PLAGL1: variants seen among roughly 807,000 people sequenced by gnomAD.
The protein encoded by PLAGL1 is PLAG1 like zinc finger 1, also known as zinc finger protein PLAGL1.
In PLAGL1, 1 loss-of-function variant was observed where a neutral mutation model predicts 4.6. The observed-to-expected ratio is 0.22, with a 90% confidence interval of 0.08 to 1.03. The LOEUF is 1.03. Ranked by LOEUF, PLAGL1 falls within the 50% of genes least tolerant of loss-of-function variation. The pLI is 0.58. For missense variants in PLAGL1, 464 were observed against 570.4 expected (o/e 0.81, Z 1.90); for synonymous variants, 240 against 237.8 (o/e 1.01, Z -0.08).
At chr6:143,946,544 G>A (rs1458487806) in intron 7 of PLAGL1, among the ~76,000 whole-genome samples, 4 of 152,216 alleles carry the variant, frequency 2.6e-5, no homozygotes, top group Non-Finnish European at 4.4e-5. Flanking sequence ...TTTAAAATAT[G>A]TAAGCATTTG....
chr6:143,946,784 T>C (rs972239953), intron 7 of PLAGL1, among the ~76,000 whole-genome samples: 4 of 152,162 alleles, frequency 2.6e-5, no homozygotes, highest in Non-Finnish European at 5.9e-5. Flanking sequence ...AGTTGAAACT[T>C]CAAAGTTTAT....
At position 143,947,025 on chromosome 6, in the gene PLAGL1, C is replaced by G. The variant is rs1390952711; in HGVS notation, c.152+960G>C. 6.6e-6 allele frequency among the ~76,000 whole-genome samples: 1 copy of G among 152,138 alleles called. No homozygotes were observed. Among genetic ancestry groups the G allele is most frequent in the Non-Finnish European group, 1.5e-5 (1 of 68,036 alleles). On this transcript the variant is annotated intron_variant, in intron 7 of 7. Transcript: ENST00000674357. The surrounding 1 kb of genome is among the most constrained non-coding windows in gnomAD (Gnocchi z 4.3). ...AAACGATATCTAATGTATTCATTTCCCTCATGGAAGTAGGTACCTAACAGG... is the reference window on the plus strand; with the variant it reads ...AAACGATATCTAATGTATTCATTTCGCTCATGGAAGTAGGTACCTAACAGG...
chr6:143,973,371 T>A lies in PLAGL1; in HGVS notation c.-543-4393A>T, dbSNP rs552389351. Among the ~76,000 whole-genome samples the A allele has an allele frequency of 3.3e-5, 5 of 152,302 alleles. No homozygotes were observed. The highest frequency in any genetic ancestry group is 9.6e-5 in the African/African-American group (4 of 41,560). Reference sequence around the variant, plus strand: ...GTTTAATTCAAATTCATCCGTTTCCTACATTCCAGTGACAGTTCAGAATGC... The same window carrying A: ...GTTTAATTCAAATTCATCCGTTTCCAACATTCCAGTGACAGTTCAGAATGC... On this transcript the variant is annotated intron_variant, in intron 2 of 7. Coordinates refer to ENST00000674357, the MANE Select transcript of PLAGL1 (RefSeq NM_001317162.2). This position sits in a 1 kb window ranked among gnomAD's most constrained non-coding sequence, Gnocchi z 6.2.
At position 144,055,120 on chromosome 6, in the gene PLAGL1, G is replaced by C. The variant is rs1481311206; in HGVS notation, c.-151+9348C>G. ...TATTGAAAAACACCCTTTACATATA[G>C]TAGTGCCATATATTTTGAAAAAGAA... On this transcript the variant is annotated intron_variant, in intron 1 of 3. Transcript: ENST00000437412. This position sits in a 1 kb window ranked among gnomAD's most constrained non-coding sequence, Gnocchi z 5.0. Among the ~76,000 whole-genome samples the C allele has an allele frequency of 4.6e-5, 7 of 152,066 alleles. No homozygotes were observed. Among genetic ancestry groups the C allele is most frequent in the Non-Finnish European group, 1.0e-4 (7 of 68,020 alleles).
intron 1 of PLAGL1, chr6:144,007,564 A>G (rs1794524266): frequency 6.6e-6 from 1 of 152,274 alleles, no homozygotes. Context: ...GGAGACTAAC[A>G]GAAGTCGCAT....
In PLAGL1 at chr6:144,004,736, T is replaced by C. The variant is rs186787336; in HGVS notation, c.-584+3354A>G. Reference sequence around the variant, plus strand: ...ATAAATTATAGAACTAAAAAACATATGTAGAATTCAACATGGATAAAAAAT... The same window carrying C: ...ATAAATTATAGAACTAAAAAACATACGTAGAATTCAACATGGATAAAAAAT... On this transcript the variant is annotated intron_variant, in intron 1 of 7. Transcript: ENST00000674357. The surrounding 1 kb of genome is among the most constrained non-coding windows in gnomAD (Gnocchi z 4.2). Among the ~76,000 whole-genome samples the C allele has an allele frequency of 5.1e-3, 781 of 152,214 alleles. 8 individuals are homozygous for C. Among genetic ancestry groups the C allele is most frequent in the African/African-American group, 0.017 (692 of 41,556 alleles).
Position 144,016,188 on chromosome 6 carries a change from G to A in PLAGL1, c.-150-47210C>T, listed in dbSNP as rs1409674503. Among the ~76,000 whole-genome samples, 12 of 152,032 alleles carry A rather than the reference G, an allele frequency of 7.9e-5. No homozygotes were observed. In the East Asian group the frequency reaches 2.1e-3, roughly 27 times the overall value. On this transcript the variant is annotated intron_variant, in intron 1 of 3. Coordinates refer to the PLAGL1 transcript ENST00000437412. This position sits in a 1 kb window ranked among gnomAD's most constrained non-coding sequence, Gnocchi z 4.2. ...ACATGATCACAAGGTCCCACAATAG[G>A]CTGTCTGCAAGCTGAGGAGAAAGGA...
At position 143,953,912 on chromosome 6, in the gene PLAGL1, C is replaced by CCTCCTGACCT. The variant is rs374056996; in HGVS notation, c.-324-5462_-324-5453dup. Reference sequence around the variant, plus strand: ...AAAGTCTGTTAGTGAAGCACTGAGCCCTCCTGACCTCTCCTGATGCCTGCA... The same window carrying CCTCCTGACCT: ...AAAGTCTGTTAGTGAAGCACTGAGCCCTCCTGACCTCTCCTGACCTCTCCTGATGCCTGCA... On this transcript the variant is annotated intron_variant, in intron 6 of 7. Transcript: ENST00000674357. The surrounding 1 kb of genome is among the most constrained non-coding windows in gnomAD (Gnocchi z 5.3). 1.3e-5 allele frequency among the ~76,000 whole-genome samples: 2 copies of CCTCCTGACCT among 152,100 alleles called. No individual in the cohort carries two copies. The highest frequency in any genetic ancestry group is 1.3e-4 in the Admixed American group (2 of 15,270).
At chr6:144,052,302 C>T (rs1233138165) in intron 1 of PLAGL1, among the ~76,000 whole-genome samples, 2 of 152,142 alleles carry the variant, frequency 1.3e-5, no homozygotes. Context: ...AATCAATCAA[C>T]CAAGGCAGAT....
chr6:144,044,986 G>C (rs1423597605), intron 1 of PLAGL1, among the ~76,000 whole-genome samples: 2 of 132,244 alleles, frequency 1.5e-5, no homozygotes, highest in African/African-American at 5.6e-5. Context: ...CAGAGACTAG[G>C]ATTGCAACCC....
intron 1 of PLAGL1, among the ~76,000 whole-genome samples, chr6:143,986,351 C>A (rs1789162708): frequency 6.6e-6 from 1 of 152,064 alleles, no homozygotes; most frequent in Non-Finnish European, 1.5e-5. Flanking sequence ...AGCATGAAAT[C>A]ATAGGAAATT....
chr6:143,999,142 T>C (rs1048937216), intron 1 of PLAGL1, among the ~76,000 whole-genome samples: 3 of 152,004 alleles, frequency 2.0e-5, no homozygotes, highest in African/African-American at 7.3e-5. Context: ...AGGAAAGATA[T>C]TAGAAAGTTC....
In PLAGL1 at chr6:144,039,562, G is replaced by T. The variant is rs1797556619; in HGVS notation, c.-151+24906C>A. Among the ~76,000 whole-genome samples the T allele has an allele frequency of 6.6e-6, 1 of 152,076 alleles. No homozygotes were observed. The highest frequency in any genetic ancestry group is 1.5e-5 in the Non-Finnish European group (1 of 68,008). On this transcript the variant is annotated intron_variant, in intron 1 of 3. Transcript: ENST00000437412. This position sits in a 1 kb window ranked among gnomAD's most constrained non-coding sequence, Gnocchi z 4.1. ...GATTGTGCCACTTCACTTCAGCCTGGGTGACAGAGTGAGACTGTGTCTCAA... is the reference window on the plus strand; with the variant it reads ...GATTGTGCCACTTCACTTCAGCCTGTGTGACAGAGTGAGACTGTGTCTCAA...
intron 1 of PLAGL1, among the ~76,000 whole-genome samples, chr6:143,992,334 TTC>T (rs1323923950): frequency 6.6e-6 from 1 of 152,214 alleles, no homozygotes; most frequent in African/African-American, 2.4e-5. Flanking sequence ...GCTTGAGTCT[TTC>T]TGTGTGAAGC....
Position 144,016,085 on chromosome 6 carries a change from GAACT to G in PLAGL1, c.-150-47111_-150-47108del. Among the ~76,000 whole-genome samples, 1 of 152,116 alleles carries G rather than the reference GAACT, an allele frequency of 6.6e-6. No homozygotes were observed. The highest frequency in any genetic ancestry group is 1.5e-5 in the Non-Finnish European group (1 of 68,006). Reference sequence around the variant, plus strand: ...TTAGTCAGGGTTCTCTAGAGGGACAGAACTAATAAGAGATATACATATGTGTATA... The same window carrying G: ...TTAGTCAGGGTTCTCTAGAGGGACAGAATAAGAGATATACATATGTGTATA... On this transcript the variant is annotated intron_variant, in intron 1 of 3. Transcript: ENST00000437412. The surrounding 1 kb of genome is among the most constrained non-coding windows in gnomAD (Gnocchi z 4.2).
chr6:143,947,972 C>G lies in PLAGL1; in HGVS notation c.152+13G>C, dbSNP rs1173693474. 1 of 1,611,046 alleles carries G rather than the reference C, an allele frequency of 6.2e-7. No homozygotes were observed. Among genetic ancestry groups the G allele is most frequent in the Non-Finnish European group, 8.5e-7 (1 of 1,177,462 alleles). On this transcript the variant is annotated intron_variant, in intron 7 of 7. Coordinates refer to ENST00000674357, the MANE Select transcript of PLAGL1 (RefSeq NM_001317162.2). This position sits in a 1 kb window ranked among gnomAD's most constrained non-coding sequence, Gnocchi z 4.3. ...TACTTCTAAAAGTGCATACCTTTGC[C>G]AAAGCCTCTCACCTCATCAATTTAT...
At chr6:144,011,021 C>T (rs1795140949), upstream of PLAGL1, among the ~76,000 whole-genome samples, 1 of 152,170 alleles carries the variant, frequency 6.6e-6, no homozygotes, top group African/African-American at 2.4e-5. The surrounding 1 kb of genome is among the most constrained non-coding windows in gnomAD (Gnocchi z 4.3). Context: ...AAAACCTAGG[C>T]AATACCATTC....
chr6:144,057,569 C>G (rs1054255055), intron 1 of PLAGL1, among the ~76,000 whole-genome samples: 1 of 152,126 alleles, frequency 6.6e-6, no homozygotes, highest in Non-Finnish European at 1.5e-5. Context: ...CCAATGTACT[C>G]GAAAGATTCC....
At position 143,997,148 on chromosome 6, in the gene PLAGL1, G is replaced by A. The variant is rs886676869; in HGVS notation, c.-584+10942C>T. On this transcript the variant is annotated intron_variant, in intron 1 of 7. Transcript: ENST00000674357. The surrounding 1 kb of genome is among the most constrained non-coding windows in gnomAD (Gnocchi z 4.6). ...TCAAACCCACCAGAGGGCTTAAAGC[G>A]AAAAAGACTAATATCAAGTGCTGAT... 9.9e-5 allele frequency among the ~76,000 whole-genome samples: 15 copies of A among 152,156 alleles called. No homozygotes were observed. The highest frequency in any genetic ancestry group is 2.1e-4 in the South Asian group (1 of 4,828).
Sources: gnomAD v4.1 joint callset for allele counts (sites outside exome capture counted in the v4.1 genomes callset) on GRCh38, gnomAD v4.1.1 for gene constraint, Gnocchi (gnomAD v3.1) non-coding constraint, MANE v1.5 for transcripts, NCBI Gene and HGNC (gene_info 2026-07-23, HGNC 2026-07-21) for gene names.